CCDC141: variants seen among roughly 807,000 people sequenced by gnomAD.
CCDC141 encodes the protein coiled-coil domain-containing protein 141.
CCDC141 carries 168 observed loss-of-function variants against 181.0 expected under a neutral mutation model. That is an observed-to-expected ratio of 0.93 (90% CI 0.82 to 1.05). CCDC141 has a LOEUF of 1.05. Ranked by LOEUF, CCDC141 falls within the 50% of genes least tolerant of loss-of-function variation. The pLI, the probability that CCDC141 is intolerant of heterozygous loss-of-function variation, is 0.00. For missense variants in CCDC141, 1,902 were observed against 1,788.5 expected (o/e 1.06, Z -1.14); for synonymous variants, 666 against 642.3 (o/e 1.04, Z -0.56).
chr2:178,968,966 T>C (rs1690757373), intron 4 of CCDC141, among the ~76,000 whole-genome samples: 1 of 151,740 alleles, frequency 6.6e-6, no homozygotes, highest in Non-Finnish European at 1.5e-5. Context: ...TCTATGCAAA[T>C]AAACTAGAAA....
chr2:178,917,788 G>C (rs1405345570), intron 7 of CCDC141, among the ~76,000 whole-genome samples: 2 of 152,172 alleles, frequency 1.3e-5, no homozygotes, highest in Non-Finnish European at 2.9e-5. Context: ...AATCAGAGAG[G>C]AGAAGCAGAG....
chr2:179,048,670 A>T (rs340336), intron 1 of CCDC141, among the ~76,000 whole-genome samples: 2 of 152,192 alleles, frequency 1.3e-5, no homozygotes, highest in African/African-American at 2.4e-5. Flanking sequence ...CTACTTCTGC[A>T]TCAGGCTTCT....
At chr2:178,949,735 A>G (rs910450325) in intron 5 of CCDC141, among the ~76,000 whole-genome samples, 2 of 152,190 alleles carry the variant, frequency 1.3e-5, no homozygotes, top group African/African-American at 4.8e-5. Context: ...TGAGAGCAAG[A>G]AGCCAGCTGT....
chr2:178,863,064 G>T (rs1685691298), intron 17 of CCDC141, among the ~76,000 whole-genome samples: 1 of 152,200 alleles, frequency 6.6e-6, no homozygotes, highest in African/African-American at 2.4e-5. Flanking sequence ...GTGGTTGAAT[G>T]GCACTGAAAT....
At chr2:178,995,916 T>A (rs1251576074) in intron 2 of CCDC141, among the ~76,000 whole-genome samples, 1 of 152,184 alleles carries the variant, frequency 6.6e-6, no homozygotes, top group East Asian at 1.9e-4. Flanking sequence ...ATTTTATACT[T>A]TTTAACATTA....
intron 1 of CCDC141, among the ~76,000 whole-genome samples, chr2:179,049,520 G>C (rs1372027168): frequency 6.6e-6 from 1 of 151,340 alleles, no homozygotes; most frequent in Non-Finnish European, 1.5e-5. Context: ...AGTTACCAAT[G>C]CCTTGCTTTT....
At chr2:179,048,357 T>A (rs923543908) in intron 1 of CCDC141, among the ~76,000 whole-genome samples, 1 of 152,108 alleles carries the variant, frequency 6.6e-6, no homozygotes, top group African/African-American at 2.4e-5. Context: ...GGCAGTAAGG[T>A]AAGAGGGCTG....
In CCDC141 at chr2:178,993,540, GGAATTCAAGAT is replaced by G. The variant is rs747459112; in HGVS notation, c.226-14876_226-14866del. On this transcript the variant is annotated intron_variant, in intron 2 of 23. Transcript: ENST00000443758. Reference sequence around the variant, plus strand: ...CACCAGGTCTCTCCCACAGCATGTGGGAATTCAAGATGAGATTTGGGTGGGGACACATCCAA... The same window carrying G: ...CACCAGGTCTCTCCCACAGCATGTGGGAGATTTGGGTGGGGACACATCCAA... 2.5e-4 allele frequency among the ~76,000 whole-genome samples: 38 copies of G among 152,196 alleles called. 1 individual carries two copies. Among genetic ancestry groups the G allele is most frequent in the Middle Eastern group, 3.4e-3 (1 of 294 alleles).
At chr2:178,846,472 T>C (rs568961161) in intron 21 of CCDC141, among the ~76,000 whole-genome samples, 1 of 152,276 alleles carries the variant, frequency 6.6e-6, no homozygotes, top group South Asian at 2.1e-4. Context: ...AATCCTTAGA[T>C]GAGTCTTAAA....
intron 5 of CCDC141, among the ~76,000 whole-genome samples, chr2:178,952,550 T>C (rs2154378065): frequency 6.6e-6 from 1 of 152,342 alleles, no homozygotes; most frequent in South Asian, 2.1e-4. Context: ...TTTCAACCTT[T>C]GAACTGCAGT....
intron 21 of CCDC141, among the ~76,000 whole-genome samples, chr2:178,848,982 C>G (rs56149358): frequency 6.6e-6 from 1 of 151,434 alleles, no homozygotes; most frequent in Non-Finnish European, 1.5e-5. Context: ...AAGCTATGCA[C>G]GAAGATGTTC....
intron 13 of CCDC141, 35 bp downstream of exon 13, chr2:178,872,098 C>T: frequency 6.3e-7 from 1 of 1,593,944 alleles, no homozygotes; most frequent in Non-Finnish European, 8.6e-7. Flanking sequence ...GTCGGAATTT[C>T]ATTCCTTTTC....
At chr2:179,036,543 A>G (rs1247079940) in intron 2 of CCDC141, among the ~76,000 whole-genome samples, 3 of 152,242 alleles carry the variant, frequency 2.0e-5, no homozygotes, top group Admixed American at 6.5e-5. Context: ...CCAGGGAAAG[A>G]AACACTGTAT....
intron 8 of CCDC141, among the ~76,000 whole-genome samples, chr2:178,901,668 C>T (rs1469370652): frequency 2.0e-5 from 3 of 151,514 alleles, no homozygotes; most frequent in Non-Finnish European, 3.0e-5. Context: ...TGGGCAAAAA[C>T]TGGAAGCATT....
chr2:179,040,144 T>C (rs995021053), intron 2 of CCDC141, among the ~76,000 whole-genome samples: 2 of 152,178 alleles, frequency 1.3e-5, no homozygotes, highest in African/African-American at 4.8e-5. Flanking sequence ...CTCATTTTCT[T>C]AGACCCATGT....
intron 8 of CCDC141, among the ~76,000 whole-genome samples, chr2:178,897,253 C>T (rs1247535243): frequency 6.6e-6 from 1 of 152,192 alleles, no homozygotes; most frequent in Non-Finnish European, 1.5e-5. Flanking sequence ...CAAACATGGA[C>T]ACTTCACCTG....
At chr2:178,920,082 A>G (rs1181086648) in intron 6 of CCDC141, among the ~76,000 whole-genome samples, 1 of 152,198 alleles carries the variant, frequency 6.6e-6, no homozygotes, top group Non-Finnish European at 1.5e-5. Context: ...CTGAAGTCAG[A>G]CCCACTGTCA....
intron 2 of CCDC141, chr2:179,002,524 G>T: frequency 2.6e-6 from 1 of 391,040 alleles, no homozygotes. Context: ...ACAATATGTG[G>T]TAAGAAAGGC....
intron 3 of CCDC141, among the ~76,000 whole-genome samples, chr2:178,975,380 T>C (rs1158617662): frequency 6.6e-6 from 1 of 152,132 alleles, no homozygotes; most frequent in Non-Finnish European, 1.5e-5. Flanking sequence ...AAAGTGTCAT[T>C]GGTAAGAACT....
Sources: gnomAD v4.1 joint callset for allele counts (sites outside exome capture counted in the v4.1 genomes callset) on GRCh38, gnomAD v4.1.1 for gene constraint, MANE v1.5 for transcripts, NCBI Gene and HGNC (gene_info 2026-07-23, HGNC 2026-07-21) for gene names.